Variants in ADGRL3 observed in about 807,000 individuals in gnomAD.
The protein encoded by ADGRL3 is calcium-independent alpha-latrotoxin receptor 3.
ADGRL3 carries 62 observed loss-of-function variants against 153.5 expected under a neutral mutation model. The observed-to-expected ratio is 0.40, with a 90% confidence interval of 0.33 to 0.50. ADGRL3 has a LOEUF of 0.50. Ranked by LOEUF, ADGRL3 falls within the 20% of genes least tolerant of loss-of-function variation. The pLI is 0.47. For missense variants in ADGRL3, 1,641 were observed against 1,859.4 expected, an observed-to-expected ratio of 0.88 and a Z score of 2.16; for synonymous variants, 710 against 672.5, an observed-to-expected ratio of 1.06 and a Z score of -0.86.
At chr4:61,632,116 G>C (rs1409743185) in intron 5 of ADGRL3, among the ~76,000 whole-genome samples, 1 of 151,964 alleles carries the variant, frequency 6.6e-6, no homozygotes, top group Non-Finnish European at 1.5e-5. Flanking sequence ...TATTAATTTT[G>C]ATCATTGCTT....
At position 61,888,099 on chromosome 4, in the gene ADGRL3, G is replaced by A. The variant is rs1029263226; in HGVS notation, c.1481-4557G>A. On this transcript the variant is annotated intron_variant, in intron 9 of 26. Transcript: ENST00000683033. ...AATTTTCTTTGGGAAGCAAGATTAT[G>A]AGGGTAAAATGCTAAGAAGGAGTTT... Among the ~76,000 whole-genome samples, 10 of 152,292 alleles carry A rather than the reference G, an allele frequency of 6.6e-5. No homozygotes were observed. The East Asian group carries it at 1.9e-3, about 29-fold the overall frequency.
At chr4:61,555,551 C>A (rs1330319150) in intron 4 of ADGRL3, among the ~76,000 whole-genome samples, 1 of 152,104 alleles carries the variant, frequency 6.6e-6, no homozygotes, top group African/African-American at 2.4e-5. Context: ...AAGTAACAGA[C>A]AAAATAGCCT....
intron 5 of ADGRL3, among the ~76,000 whole-genome samples, chr4:61,665,082 C>T (rs2094738581): frequency 6.6e-6 from 1 of 152,204 alleles, no homozygotes; most frequent in African/African-American, 2.4e-5. Flanking sequence ...GGGTAGTCTT[C>T]TGAATGATTT....
intron 9 of ADGRL3, among the ~76,000 whole-genome samples, chr4:61,884,016 G>C (rs965088391): frequency 4.6e-5 from 7 of 151,924 alleles, no homozygotes; most frequent in Non-Finnish European, 1.0e-4. Context: ...TTTCCATAAG[G>C]CTTTTTAGAG....
intron 5 of ADGRL3, among the ~76,000 whole-genome samples, chr4:61,635,922 G>A (rs2097413728): frequency 6.6e-6 from 1 of 152,006 alleles, no homozygotes; most frequent in Non-Finnish European, 1.5e-5. Flanking sequence ...CCATATTTGT[G>A]TATCACTGCT....
intron 2 of ADGRL3, among the ~76,000 whole-genome samples, chr4:61,451,277 T>C (rs2097670209): frequency 6.6e-6 from 1 of 152,164 alleles, no homozygotes; most frequent in South Asian, 2.1e-4. Flanking sequence ...TTAACCCTCA[T>C]TTATACCACA....
intron 2 of ADGRL3, among the ~76,000 whole-genome samples, chr4:61,425,933 T>TA (rs1271801846): frequency 6.6e-6 from 1 of 152,184 alleles, no homozygotes; most frequent in Admixed American, 6.5e-5. Flanking sequence ...AACAGCAGAT[T>TA]ACCATTCGTC....
chr4:61,440,790 G>A (rs374716142), intron 2 of ADGRL3, among the ~76,000 whole-genome samples: 2 of 152,028 alleles, frequency 1.3e-5, no homozygotes, highest in African/African-American at 4.8e-5. Context: ...ATTTTTCCTA[G>A]TAGTAATGGT....
chr4:62,039,552 C>A (rs1337066348), intron 24 of ADGRL3, among the ~76,000 whole-genome samples: 3 of 152,088 alleles, frequency 2.0e-5, no homozygotes, highest in Non-Finnish European at 4.4e-5. Context: ...TTTTTACACA[C>A]CACACTGAGG....
At chr4:61,638,426 G>A (rs1407921459) in intron 5 of ADGRL3, among the ~76,000 whole-genome samples, 2 of 151,944 alleles carry the variant, frequency 1.3e-5, no homozygotes, top group Non-Finnish European at 2.9e-5. Flanking sequence ...TAGTGGTGTG[G>A]GTTAAATGAA....
At chr4:61,280,107 CTTTTTCT>C (rs778668604) in intron 1 of ADGRL3, among the ~76,000 whole-genome samples, 4 of 94,648 alleles carry the variant, frequency 4.2e-5, no homozygotes, top group African/African-American at 3.8e-5. Context: ...CTTTTCTTTT[CTTTTTCT>C]TTTTTTTTTT....
chr4:61,437,407 A>G (rs1005155237), intron 2 of ADGRL3, among the ~76,000 whole-genome samples: 2 of 152,110 alleles, frequency 1.3e-5, no homozygotes, highest in Non-Finnish European at 2.9e-5. Context: ...ACTTTGCATT[A>G]TTTCCTTGGC....
intron 23 of ADGRL3, 98 bp downstream of exon 23, chr4:62,031,708 T>C (rs1722132660): frequency 1.2e-6 from 1 of 812,190 alleles, no homozygotes; most frequent in African/African-American, 1.7e-5. Context: ...GATATGTTTG[T>C]CTACAAGAAA....
At chr4:61,608,253 A>G (rs920764846) in intron 5 of ADGRL3, among the ~76,000 whole-genome samples, 1 of 152,210 alleles carries the variant, frequency 6.6e-6, no homozygotes, top group African/African-American at 2.4e-5. Flanking sequence ...TCCAGTCATG[A>G]TGATGTCCTT....
intron 9 of ADGRL3, among the ~76,000 whole-genome samples, chr4:61,846,948 A>ATG (rs72301670): frequency 0.033 from 4,833 of 145,862 alleles, 162 homozygotes; most frequent in African/African-American, 0.088. Context: ...TTTATATATT[A>ATG]TGTGTGTGTG....
At chr4:61,253,637 G>A (rs1174188567) in intron 1 of ADGRL3, among the ~76,000 whole-genome samples, 1 of 151,706 alleles carries the variant, frequency 6.6e-6, no homozygotes, top group Admixed American at 6.6e-5. Flanking sequence ...AGCCTAGAGA[G>A]CTGACATGGA....
intron 6 of ADGRL3, among the ~76,000 whole-genome samples, chr4:61,714,745 GTTCTTC>G (rs1224956181): frequency 1.3e-5 from 2 of 152,076 alleles, no homozygotes; most frequent in East Asian, 3.9e-4. Context: ...ACAGAATTTG[GTTCTTC>G]TTGCCAATAG....
Position 61,673,764 on chromosome 4 carries a change from TCTAC to T in ADGRL3, c.474-3059_474-3056del, listed in dbSNP as rs1208552526. On this transcript the variant is annotated intron_variant, in intron 5 of 26. Coordinates refer to ENST00000683033, the MANE Select transcript of ADGRL3 (RefSeq NM_001387552.1). ...TAAAAATAGTATTCCAGAGATTGAA[TCTAC>T]CTTTTTCCATTTTATTTTTTAATAA... 3.3e-5 allele frequency among the ~76,000 whole-genome samples: 5 copies of T among 151,308 alleles called. No homozygotes were observed. In the East Asian group the frequency reaches 9.8e-4, roughly 30 times the overall value.
intron 1 of ADGRL3, among the ~76,000 whole-genome samples, chr4:61,295,978 C>G (rs1399039335): frequency 6.6e-6 from 1 of 151,930 alleles, no homozygotes; most frequent in Non-Finnish European, 1.5e-5. Flanking sequence ...AACAAAAACA[C>G]AAGCAAGAGC....
Sources: allele counts gnomAD v4.1 joint callset (sites outside exome capture counted in the v4.1 genomes callset), GRCh38; gene constraint gnomAD v4.1.1; transcripts MANE v1.5; gene names NCBI Gene and HGNC (gene_info 2026-07-23, HGNC 2026-07-21).